MYO10: variants seen among roughly 807,000 people sequenced by gnomAD.
MYO10 encodes myosin X.
A neutral mutation model predicts 257.3 loss-of-function variants in MYO10; 133 were observed. The ratio of observed to expected loss-of-function variants is 0.52; its 90% CI spans 0.45 to 0.60. The LOEUF (loss-of-function observed/expected upper bound fraction) is 0.60. Ranked by LOEUF, MYO10 falls within the 20% of genes least tolerant of loss-of-function variation. MYO10 has a pLI of 0.00. For synonymous variants in MYO10, 1,104 were observed against 1,028.6 expected (o/e 1.07, Z -1.40); for missense variants, 2,399 against 2,635.7 (o/e 0.91, Z 1.97).
intron 9 of MYO10, among the ~76,000 whole-genome samples, chr5:16,776,760 CAG>C (rs1741224180): frequency 6.6e-6 from 1 of 152,184 alleles, no homozygotes; most frequent in Admixed American, 6.5e-5. Flanking sequence ...CGAGAGAACA[CAG>C]AGTACCAACG....
intron 1 of MYO10, chr5:16,916,281 A>G (rs1745814306): frequency 2.7e-6 from 1 of 376,522 alleles, no homozygotes. Context: ...CAAATTAAAT[A>G]TCCCATTCGG....
chr5:16,811,068 C>CAAAAA (rs11420807), intron 3 of MYO10, among the ~76,000 whole-genome samples: 1 of 108,988 alleles, frequency 9.2e-6, no homozygotes, highest in Admixed American at 9.5e-5. Flanking sequence ...GACTCTGTCT[C>CAAAAA]AAAAAAAAAA....
chr5:16,814,319 CTT>C (rs879475214), intron 3 of MYO10, among the ~76,000 whole-genome samples: 1 of 147,640 alleles, frequency 6.8e-6, no homozygotes, highest in Admixed American at 6.8e-5. Flanking sequence ...TTTTTTTGTA[CTT>C]TTTTTTTTAG....
intron 2 of MYO10, among the ~76,000 whole-genome samples, chr5:16,850,311 G>C (rs992213903): frequency 1.3e-5 from 2 of 152,066 alleles, no homozygotes; most frequent in Non-Finnish European, 2.9e-5. Flanking sequence ...GTCTCACTCT[G>C]TTGTCAGGCT....
Position 16,849,920 on chromosome 5 carries a change from G to A in MYO10, c.120+27689C>T, listed in dbSNP as rs550061625. On this transcript the variant is annotated intron_variant, in intron 2 of 40. Coordinates refer to ENST00000513610, the MANE Select transcript of MYO10 (RefSeq NM_012334.3). ...ACCCAAAAACAAAAAGCCATTTTGC[G>A]CTGTCTTTAGAGCCAGCATAATGAA... 7.9e-5 allele frequency among the ~76,000 whole-genome samples: 12 copies of A among 152,272 alleles called. No homozygotes were observed. The South Asian group carries it at 2.5e-3, about 32-fold the overall frequency.
At chr5:16,905,342 C>A (rs945794223) in intron 1 of MYO10, among the ~76,000 whole-genome samples, 1 of 152,140 alleles carries the variant, frequency 6.6e-6, no homozygotes, top group Non-Finnish European at 1.5e-5. Context: ...TCTCCCTCAC[C>A]GACCTTGAGC....
At chr5:16,708,639 G>A (rs1257901139) in intron 21 of MYO10, among the ~76,000 whole-genome samples, 1 of 152,140 alleles carries the variant, frequency 6.6e-6, no homozygotes, top group Non-Finnish European at 1.5e-5. Flanking sequence ...AGGGCTCACT[G>A]CAGTCTTGAC....
intron 2 of MYO10, among the ~76,000 whole-genome samples, chr5:16,848,241 C>A (rs1481778174): frequency 2.0e-5 from 3 of 147,954 alleles, no homozygotes; most frequent in Non-Finnish European, 4.4e-5. Context: ...TCACTGCAAC[C>A]TCCACCTCCT....
intron 19 of MYO10, among the ~76,000 whole-genome samples, chr5:16,744,135 G>C (rs985889332): frequency 6.6e-6 from 1 of 152,182 alleles, no homozygotes; most frequent in African/African-American, 2.4e-5. Flanking sequence ...AAACTTAAGA[G>C]AGAAAAGGTC....
intron 19 of MYO10, among the ~76,000 whole-genome samples, chr5:16,745,295 T>G (rs1740155076): frequency 6.6e-6 from 1 of 152,156 alleles, no homozygotes; most frequent in Non-Finnish European, 1.5e-5. Flanking sequence ...TGAGCCAAGA[T>G]CGTGCCACTG....
chr5:16,913,736 AC>A (rs1259287454), intron 1 of MYO10, among the ~76,000 whole-genome samples: 1 of 152,196 alleles, frequency 6.6e-6, no homozygotes, highest in Non-Finnish European at 1.5e-5. Flanking sequence ...ACAAGTGAGA[AC>A]CAGGATACGT....
chr5:16,818,226 A>G, intron 2 of MYO10, 59 bp from the exon 3 acceptor site: 1 of 1,344,422 alleles, frequency 7.4e-7, no homozygotes, highest in Non-Finnish European at 1.0e-6. Flanking sequence ...TTTTTCACAC[A>G]AGTTTCCCAA....
intron 3 of MYO10, among the ~76,000 whole-genome samples, chr5:16,809,929 T>G (rs1742386334): frequency 6.6e-6 from 1 of 152,152 alleles, no homozygotes; most frequent in South Asian, 2.1e-4. Flanking sequence ...GATGTGGTTT[T>G]GAGCCATTCC....
At chr5:16,668,496 T>TAAGTC in intron 39 of MYO10, 28 bp from the exon 40 acceptor site, 2 of 1,568,662 alleles carry the variant, frequency 1.3e-6, no homozygotes, top group Non-Finnish European at 1.7e-6. Flanking sequence ...ACAGAAGAGT[T>TAAGTC]AAGTCATGAA....
At chr5:16,845,407 C>G (rs965306180) in intron 2 of MYO10, among the ~76,000 whole-genome samples, 2 of 152,146 alleles carry the variant, frequency 1.3e-5, no homozygotes, top group Non-Finnish European at 2.9e-5. Flanking sequence ...GGGCTCTCAC[C>G]TGTAATCCCA....
At chr5:16,853,325 G>C (rs1743865482) in intron 2 of MYO10, among the ~76,000 whole-genome samples, 1 of 151,022 alleles carries the variant, frequency 6.6e-6, no homozygotes, top group Admixed American at 6.6e-5. Flanking sequence ...AGTGAGCTGA[G>C]ATCGCGCCAC....
intron 35 of MYO10, among the ~76,000 whole-genome samples, chr5:16,674,585 A>G (rs1481313057): frequency 6.8e-6 from 1 of 146,114 alleles, no homozygotes; most frequent in Non-Finnish European, 1.5e-5. Context: ...TTTTTTAAAT[A>G]TAGAGCAGTG....
rs1369804622 is a variant in MYO10, at chr5:16,676,041, T to A, written c.4656A>T (p.Ile1552=). The change falls in exon 34 of 41, where the codon ATA becomes ATT. Residue 1552 remains isoleucine, a synonymous_variant. Coordinates refer to ENST00000513610, the MANE Select transcript of MYO10 (RefSeq NM_012334.3). ...GAGCTCTGGACTTACAGTTGAGATT[T>A]ATGTCCCCATACGGAAGGGGCAGGA... ...SPLLPLPYGD[I]NLNLLKDKGY... 1.2e-6 allele frequency: 2 copies of A among 1,608,396 alleles called. No homozygotes were observed. The highest frequency in any genetic ancestry group is 2.7e-5 in the African/African-American group (2 of 74,492).
intron 17 of MYO10, among the ~76,000 whole-genome samples, chr5:16,760,973 A>G (rs1322095910): frequency 1.3e-5 from 2 of 150,912 alleles, no homozygotes; most frequent in Non-Finnish European, 2.9e-5. Context: ...TATTATTATT[A>G]TTATTATTAA....
Sources: allele counts gnomAD v4.1 joint callset (sites outside exome capture counted in the v4.1 genomes callset), GRCh38; gene constraint gnomAD v4.1.1; transcripts MANE v1.5; gene names NCBI Gene and HGNC (gene_info 2026-07-23, HGNC 2026-07-21).